The following BMPR1B variants were observed in gnomAD, a reference collection of about 807,000 sequenced individuals.
BMPR1B encodes the protein bone morphogenetic protein receptor type-1B.
Under a neutral mutation model 59.1 loss-of-function variants are expected in BMPR1B, and 12 were observed. That is an observed-to-expected ratio of 0.20 (90% CI 0.13 to 0.33). The LOEUF is 0.33. BMPR1B is among the 10% of genes least tolerant of loss of function. The pLI is 1.00. For missense variants in BMPR1B, 550 were observed against 610.9 expected, an observed-to-expected ratio of 0.90 and a Z score of 1.05; for synonymous variants, 237 against 207.3, an observed-to-expected ratio of 1.14 and a Z score of -1.23.
chr4:95,138,549 A>C (rs546854502), intron 10 of BMPR1B, among the ~76,000 whole-genome samples: 1 of 147,760 alleles, frequency 6.8e-6, no homozygotes, highest in Non-Finnish European at 1.5e-5. Context: ...TACACCAATC[A>C]GACGTAGATT....
At chr4:94,939,164 G>T (rs1729424053) in intron 2 of BMPR1B, among the ~76,000 whole-genome samples, 1 of 152,004 alleles carries the variant, frequency 6.6e-6, no homozygotes, top group African/African-American at 2.4e-5. Flanking sequence ...TTCAGCAAAG[G>T]ATGAAGGAAA....
chr4:95,096,029 T>C lies in BMPR1B; in HGVS notation c.-17-8379T>C, dbSNP rs1039033159. Among the ~76,000 whole-genome samples the C allele has an allele frequency of 2.6e-5, 3 of 115,220 alleles. No individual in the cohort carries two copies. The South Asian group carries it at 1.0e-3, about 40-fold the overall frequency. The allele number at this position is 115,220 out of a possible 152,430, so 75.6% of individuals were successfully genotyped here. The stretch of plus-strand genomic sequence containing the variant: ...GTAATAGTATGAAATTTTTTTTACA[T>C]TTTACTTTTGTTCTGCATTTTGTTT... On this transcript the variant is annotated intron_variant, in intron 3 of 12. Transcript: ENST00000515059.
At chr4:94,835,537 G>T (rs1029083560) in intron 1 of BMPR1B, among the ~76,000 whole-genome samples, 1 of 152,128 alleles carries the variant, frequency 6.6e-6, no homozygotes, top group African/African-American at 2.4e-5. Flanking sequence ...AATTATATCA[G>T]TTGGCAAAAC....
At chr4:95,078,337 T>C (rs1053781192) in intron 3 of BMPR1B, among the ~76,000 whole-genome samples, 7 of 152,324 alleles carry the variant, frequency 4.6e-5, no homozygotes, top group African/African-American at 1.7e-4. Context: ...TTTATCTATA[T>C]GCAGTTGCAG....
At chr4:95,064,879 A>T (rs1164537375) in intron 3 of BMPR1B, among the ~76,000 whole-genome samples, 1 of 152,150 alleles carries the variant, frequency 6.6e-6, no homozygotes, top group East Asian at 1.9e-4. Flanking sequence ...ATAAAAAATG[A>T]TCCTAAAGAT....
intron 2 of BMPR1B, among the ~76,000 whole-genome samples, chr4:94,970,318 T>TCTTTCTTTTTCTCTC (rs1553922842): frequency 7.7e-6 from 1 of 130,406 alleles, no homozygotes; most frequent in Non-Finnish European, 1.7e-5. Flanking sequence ...CTCTCTCTCT[T>TCTTTCTTTTTCTCTC]TCTCTCTTTT....
chr4:94,780,240 A>G (rs1249047103), intron 1 of BMPR1B, among the ~76,000 whole-genome samples: 2 of 152,000 alleles, frequency 1.3e-5, no homozygotes, highest in Non-Finnish European at 2.9e-5. Context: ...AAACTTGTCT[A>G]TTTTAGACAT....
chr4:94,794,265 T>A (rs1468392639), intron 1 of BMPR1B, among the ~76,000 whole-genome samples: 3 of 148,530 alleles, frequency 2.0e-5, no homozygotes, highest in Non-Finnish European at 4.5e-5. Flanking sequence ...GCACCATTTA[T>A]TAAATAGGGA....
chr4:94,829,327 CTTTTTTT>C (rs35278466), intron 1 of BMPR1B, among the ~76,000 whole-genome samples: 3 of 136,938 alleles, frequency 2.2e-5, no homozygotes, highest in East Asian at 4.2e-4. Flanking sequence ...TTTTATTTTC[CTTTTTTT>C]TTTTTTTTTG....
intron 1 of BMPR1B, among the ~76,000 whole-genome samples, chr4:94,845,482 A>G (rs1335612039): frequency 2.0e-5 from 3 of 151,912 alleles, no homozygotes; most frequent in African/African-American, 4.8e-5. Context: ...AGCTGGGACT[A>G]CAGGTGCCCG....
At chr4:94,860,931 G>A (rs1725954631) in intron 1 of BMPR1B, among the ~76,000 whole-genome samples, 1 of 141,534 alleles carries the variant, frequency 7.1e-6, no homozygotes, top group South Asian at 2.1e-4. Context: ...TCTTTTGCCT[G>A]GGTCTTGAGA....
chr4:94,839,670 G>A (rs1463237855), intron 1 of BMPR1B, among the ~76,000 whole-genome samples: 2 of 143,634 alleles, frequency 1.4e-5, no homozygotes, highest in Non-Finnish European at 3.1e-5. Context: ...ACGTGAGATG[G>A]GTTTCCTGAA....
At chr4:94,798,426 A>G (rs1425003744) in intron 1 of BMPR1B, among the ~76,000 whole-genome samples, 1 of 152,258 alleles carries the variant, frequency 6.6e-6, no homozygotes, top group Non-Finnish European at 1.5e-5. Context: ...AAGTAGCCTG[A>G]TGTGGTGCTA....
At chr4:94,984,765 G>A (rs1201676840) in intron 2 of BMPR1B, among the ~76,000 whole-genome samples, 5 of 152,194 alleles carry the variant, frequency 3.3e-5, no homozygotes, top group Admixed American at 6.5e-5. Context: ...CTTTGCTGCT[G>A]TAAGCCTGGA....
At position 94,843,168 on chromosome 4, in the gene BMPR1B, G is replaced by A. The variant is rs572332515; in HGVS notation, c.-182-32663G>A. Among the ~76,000 whole-genome samples, 11 of 152,324 alleles carry A rather than the reference G, an allele frequency of 7.2e-5. No individual in the cohort carries two copies. In the East Asian group the frequency reaches 2.1e-3, roughly 29 times the overall value. On this transcript the variant is annotated intron_variant, in intron 1 of 12. Transcript: ENST00000515059. ...CACATAGTTAGTAAATACTCAAGCT[G>A]GTGAACCCAGGCAGACTGACTCTGA...
In BMPR1B at chr4:95,130,723, C is replaced by CTT. The variant is rs148720302; in HGVS notation, c.779-468_779-467dup. Among the ~76,000 whole-genome samples, 472 of 77,764 alleles carry CTT rather than the reference C, an allele frequency of 6.1e-3. 1 individual carries two copies. The highest frequency in any genetic ancestry group is 9.6e-3 in the South Asian group (19 of 1,984). 51.0% of individuals were successfully genotyped at this position (77,764 alleles called of 152,430 possible). ...GGTTTTTTTCTTTTTCTTTTCTTTTCTTTTTTTTTTTTTTTTTTTTTTTTT... is the reference window on the plus strand; with the variant it reads ...GGTTTTTTTCTTTTTCTTTTCTTTTCTTTTTTTTTTTTTTTTTTTTTTTTTTT... On this transcript the variant is annotated intron_variant, in intron 9 of 12. Transcript: ENST00000515059.
In BMPR1B at chr4:94,803,692, A is replaced by G. The variant is rs116241664; in HGVS notation, c.-183+45624A>G. On this transcript the variant is annotated intron_variant, in intron 1 of 12. Transcript: ENST00000515059. Reference sequence around the variant, plus strand: ...CTGTTCTCAACATAATTTGATTTGCAGAGCTCTTGTTTTGATGCAGTATCT... The same window carrying G: ...CTGTTCTCAACATAATTTGATTTGCGGAGCTCTTGTTTTGATGCAGTATCT... 8.6e-3 allele frequency among the ~76,000 whole-genome samples: 1,313 copies of G among 152,244 alleles called. 8 individuals are homozygous for G. The highest frequency in any genetic ancestry group is 0.014 in the Non-Finnish European group (963 of 68,014).
At chr4:94,889,972 G>T (rs533883365) in intron 2 of BMPR1B, among the ~76,000 whole-genome samples, 26 of 152,022 alleles carry the variant, frequency 1.7e-4, no homozygotes, top group Non-Finnish European at 3.1e-4. Flanking sequence ...CAAATAGAGG[G>T]AGAGGAATGA....
intron 3 of BMPR1B, chr4:94,996,531 G>C (rs1397943324): frequency 6.6e-6 from 1 of 152,218 alleles, no homozygotes; most frequent in Non-Finnish European, 1.5e-5. Flanking sequence ...GAAACATTCA[G>C]ATGAACGTAT....
Sources: gnomAD v4.1 joint callset for allele counts (sites outside exome capture counted in the v4.1 genomes callset) on GRCh38, gnomAD v4.1.1 for gene constraint, MANE v1.5 for transcripts, NCBI Gene and HGNC (gene_info 2026-07-23, HGNC 2026-07-21) for gene names.